The following SORCS3 variants were observed in gnomAD, a reference collection of about 807,000 sequenced individuals.
The protein encoded by SORCS3 is sortilin related VPS10 domain containing receptor 3.
Under a neutral mutation model 146.3 loss-of-function variants are expected in SORCS3, and 57 were observed. The ratio of observed to expected loss-of-function variants is 0.39; its 90% CI spans 0.31 to 0.49. The LOEUF (loss-of-function observed/expected upper bound fraction) is 0.49, where lower values mean the gene tolerates loss of function less well. Ranked by LOEUF, SORCS3 falls within the 20% of genes least tolerant of loss-of-function variation. SORCS3 has a pLI of 0.92. For missense variants in SORCS3, 1,341 were observed against 1,575.5 expected, an observed-to-expected ratio of 0.85 and a Z score of 2.52; for synonymous variants, 653 against 618.5, an observed-to-expected ratio of 1.06 and a Z score of -0.83.
intron 7 of SORCS3, among the ~76,000 whole-genome samples, chr10:105,107,917 C>T (rs890687364): frequency 6.6e-6 from 1 of 152,144 alleles, no homozygotes; most frequent in Non-Finnish European, 1.5e-5. Context: ...TTTGACTTAT[C>T]TATAAAAAGA....
intron 1 of SORCS3, among the ~76,000 whole-genome samples, chr10:104,753,133 A>G (rs1379896945): frequency 6.6e-6 from 1 of 152,230 alleles, no homozygotes; most frequent in African/African-American, 2.4e-5. Context: ...CTGGCTAGCT[A>G]TATTTTAAGA....
At chr10:104,868,642 A>G (rs1175607469) in intron 2 of SORCS3, among the ~76,000 whole-genome samples, 1 of 152,122 alleles carries the variant, frequency 6.6e-6, no homozygotes, top group Non-Finnish European at 1.5e-5. Flanking sequence ...TTTGATATTC[A>G]GCAGGCTCAG....
chr10:104,779,448 A>T (rs969197919), intron 1 of SORCS3, among the ~76,000 whole-genome samples: 1 of 152,200 alleles, frequency 6.6e-6, no homozygotes, highest in Non-Finnish European at 1.5e-5. Context: ...AGGCCAGGGA[A>T]TTTGCAGCAA....
At chr10:105,035,464 G>GTT (rs58969291) in intron 4 of SORCS3, among the ~76,000 whole-genome samples, 75 of 141,178 alleles carry the variant, frequency 5.3e-4, no homozygotes, top group African/African-American at 1.6e-3. Context: ...TTCTCACCAA[G>GTT]TTTTTTTTTT....
At chr10:104,751,924 C>CTT in intron 1 of SORCS3, among the ~76,000 whole-genome samples, 1 of 38,456 alleles carries the variant, frequency 2.6e-5, no homozygotes, top group South Asian at 2.2e-3. Flanking sequence ...TAATAGGAAG[C>CTT]ATATATATAT....
rs369484883 is a variant in SORCS3, at chr10:105,022,683, G to A, written c.955-20372G>A. On this transcript the variant is annotated intron_variant, in intron 4 of 26. Coordinates refer to ENST00000369701, the MANE Select transcript of SORCS3 (RefSeq NM_014978.3). The stretch of plus-strand genomic sequence containing the variant: ...ACTTCTTAGAAATTTTATCCAGAAT[G>A]TCATTGTGGGACACACTGGGAGTGT... Among the ~76,000 whole-genome samples, 131 of 152,284 alleles carry A rather than the reference G, an allele frequency of 8.6e-4. 3 individuals carry two copies. The South Asian group carries it at 0.025, about 30-fold the overall frequency.
chr10:104,980,985 C>A (rs924720472), intron 4 of SORCS3, among the ~76,000 whole-genome samples: 26 of 152,306 alleles, frequency 1.7e-4, no homozygotes, highest in African/African-American at 5.5e-4. Context: ...TGATACCGGC[C>A]AAGGCCTGGG....
At chr10:104,847,303 G>A (rs1484451640) in intron 2 of SORCS3, among the ~76,000 whole-genome samples, 1 of 152,188 alleles carries the variant, frequency 6.6e-6, no homozygotes, top group African/African-American at 2.4e-5. Context: ...ATGTCCTGGT[G>A]AGGATTTATG....
chr10:104,869,923 T>C (rs2018500928), intron 2 of SORCS3, among the ~76,000 whole-genome samples: 1 of 152,214 alleles, frequency 6.6e-6, no homozygotes, highest in African/African-American at 2.4e-5. Context: ...TTTCCATCAT[T>C]GTACCTTGGT....
chr10:104,728,565 A>G (rs973398080), intron 1 of SORCS3, among the ~76,000 whole-genome samples: 38 of 152,350 alleles, frequency 2.5e-4, no homozygotes, highest in African/African-American at 8.7e-4. Flanking sequence ...ATGTCAGGAC[A>G]AAGACCTGGG....
rs1000753970 is a variant in SORCS3 at position 105,252,910 on chromosome 10, A to G, written c.3237+4A>G. On this transcript the variant is annotated splice_donor_region_variant and intron_variant, in intron 23 of 26. Coordinates refer to ENST00000369701, the MANE Select transcript of SORCS3 (RefSeq NM_014978.3). The stretch of plus-strand genomic sequence containing the variant: ...CAATGAAGGGGACCTGGAACAAGTA[A>G]GTGAAAGTAAATCTGGCTGGGACCC... 1.2e-6 allele frequency: 2 copies of G among 1,613,482 alleles called. No homozygotes were observed. The highest frequency in any genetic ancestry group is 2.7e-5 in the African/African-American group (2 of 74,916).
At chr10:104,799,681 C>CT (rs35296777) in intron 1 of SORCS3, among the ~76,000 whole-genome samples, 25,406 of 147,460 alleles carry the variant, frequency 0.17, 2,397 homozygotes, top group Middle Eastern at 0.29. Context: ...TAACCCAGAA[C>CT]TTTTTTTTTT....
intron 2 of SORCS3, among the ~76,000 whole-genome samples, chr10:104,849,069 A>G (rs796474958): frequency 1.3e-5 from 2 of 152,158 alleles, no homozygotes; most frequent in South Asian, 2.1e-4. Flanking sequence ...TTGTTTTGCT[A>G]TTTAATATAT....
chr10:104,674,581 C>A (rs552777595), intron 1 of SORCS3, among the ~76,000 whole-genome samples: 1 of 152,334 alleles, frequency 6.6e-6, no homozygotes, highest in African/African-American at 2.4e-5. Flanking sequence ...GGTAGCCTGG[C>A]TGACATCTTT....
At chr10:105,085,301 G>A (rs1418854365) in intron 5 of SORCS3, among the ~76,000 whole-genome samples, 2 of 152,232 alleles carry the variant, frequency 1.3e-5, no homozygotes, top group Non-Finnish European at 2.9e-5. Flanking sequence ...TTCCCTCTGT[G>A]GGCTGGAGGA....
At chr10:105,006,604 T>A (rs978877536) in intron 4 of SORCS3, among the ~76,000 whole-genome samples, 2 of 152,186 alleles carry the variant, frequency 1.3e-5, no homozygotes, top group African/African-American at 4.8e-5. Flanking sequence ...AGATTATACA[T>A]AATTTCCACT....
Position 104,681,872 on chromosome 10 carries a change from C to G in SORCS3, c.627+39918C>G, listed in dbSNP as rs931216416. ...CTTAAATGTGTCTTCTCAGTCCTGT[C>G]CTGGCCACCCAGTCTAATACTATGT... is the stretch of plus-strand genomic sequence containing the variant. On this transcript the variant is annotated intron_variant, in intron 1 of 26. Transcript: ENST00000369701. Among the ~76,000 whole-genome samples, 138 of 152,358 alleles carry G rather than the reference C, an allele frequency of 9.1e-4. 2 individuals carry two copies. The highest frequency in any genetic ancestry group is 3.0e-3 in the African/African-American group (126 of 41,582).
intron 3 of SORCS3, among the ~76,000 whole-genome samples, chr10:104,952,257 A>T (rs983465279): frequency 1.7e-5 from 1 of 59,892 alleles, no homozygotes; most frequent in Non-Finnish European, 2.7e-5. Flanking sequence ...GAATGTTTGA[A>T]AAAAAAAAAA....
chr10:104,928,930 T>C (rs573388487), intron 3 of SORCS3, among the ~76,000 whole-genome samples: 15 of 152,302 alleles, frequency 9.8e-5, no homozygotes, highest in Non-Finnish European at 1.6e-4. Context: ...GGCTGTCTTA[T>C]GATGACCAAA....
Sources: gnomAD v4.1 joint callset for allele counts (sites outside exome capture counted in the v4.1 genomes callset) on GRCh38, gnomAD v4.1.1 for gene constraint, MANE v1.5 for transcripts, NCBI Gene and HGNC (gene_info 2026-07-23, HGNC 2026-07-21) for gene names.